Variants in MAGI2 observed in about 807,000 individuals in gnomAD.
MAGI2 encodes the protein membrane-associated guanylate kinase, WW and PDZ domain-containing protein 2.
In MAGI2, 35 loss-of-function variants were observed where a neutral mutation model predicts 133.3. The observed-to-expected ratio is 0.26, with a 90% CI of 0.20 to 0.35. The LOEUF (loss-of-function observed/expected upper bound fraction) is 0.35. MAGI2 is among the 10% of genes least tolerant of loss of function. The pLI is 1.00. For missense variants in MAGI2, 1,636 were observed against 1,863.4 expected (o/e 0.88, Z 2.25); for synonymous variants, 729 against 710.6 (o/e 1.03, Z -0.41).
intron 2 of MAGI2, among the ~76,000 whole-genome samples, chr7:78,878,372 C>T (rs1362593903): frequency 1.3e-5 from 2 of 152,112 alleles, no homozygotes; most frequent in Admixed American, 1.3e-4. Flanking sequence ...CTGGGTCCAC[C>T]CAACTAAATT....
At chr7:78,354,489 A>G (rs1200560069) in intron 7 of MAGI2, among the ~76,000 whole-genome samples, 2 of 152,172 alleles carry the variant, frequency 1.3e-5, no homozygotes, top group Non-Finnish European at 2.9e-5. Flanking sequence ...GGAAGGAGGG[A>G]ATCAGGAGAA....
intron 1 of MAGI2, among the ~76,000 whole-genome samples, chr7:79,175,780 TAA>T (rs1826038901): frequency 6.6e-6 from 1 of 152,012 alleles, no homozygotes; most frequent in South Asian, 2.1e-4. Flanking sequence ...CGAATATATC[TAA>T]ACATAGAAAA....
chr7:79,005,004 C>T (rs1023430817), intron 2 of MAGI2, among the ~76,000 whole-genome samples: 3 of 151,672 alleles, frequency 2.0e-5, no homozygotes, highest in Admixed American at 2.0e-4. Flanking sequence ...ATTGCTTGAA[C>T]CTGGGAGGCA....
intron 6 of MAGI2, among the ~76,000 whole-genome samples, chr7:78,473,908 C>T (rs966742777): frequency 8.6e-5 from 13 of 152,012 alleles, no homozygotes; most frequent in Admixed American, 6.6e-5. Context: ...TAAACGACTT[C>T]TCTGGTCAGA....
chr7:79,016,011 TG>T lies in MAGI2; in HGVS notation c.302-8806del, dbSNP rs370577234. On this transcript the variant is annotated intron_variant, in intron 1 of 21. Transcript: ENST00000354212. ...CTCCTGGAGAAGCGGGGGGGGGGGG[TG>T]GGGGTTGAGCAGGCAAGGAGCAACA... Among the ~76,000 whole-genome samples the T allele has an allele frequency of 4.7e-4, 26 of 55,800 alleles. 1 individual carries two copies. The highest frequency in any genetic ancestry group is 1.5e-3 in the African/African-American group (24 of 15,956). The allele number at this position is 55,800 out of a possible 152,430, so 36.6% of individuals were successfully genotyped here.
intron 6 of MAGI2, among the ~76,000 whole-genome samples, chr7:78,453,012 TG>T (rs1322771798): frequency 2.0e-5 from 3 of 152,156 alleles, no homozygotes; most frequent in African/African-American, 7.2e-5. Flanking sequence ...TTACTTGTAA[TG>T]TATATATCAT....
Position 78,168,257 on chromosome 7 carries a change from G to T in MAGI2, c.2404-149C>A, listed in dbSNP as rs868073283. 2.7e-4 allele frequency: 169 copies of T among 633,778 alleles called. 1 individual carries two copies. Among genetic ancestry groups the T allele is most frequent in the Middle Eastern group, 1.3e-3 (3 of 2,320 alleles). The allele number at this position is 633,778 out of a possible 1,614,324, so 39.3% of individuals were successfully genotyped here. On this transcript the variant is annotated intron_variant, in intron 14 of 21. Coordinates refer to ENST00000354212, the MANE Select transcript of MAGI2 (RefSeq NM_012301.4). ...TGCAAGCTCTGCCTCCCAGGTTCAC[G>T]CCATCTTTTTCCTTTTTATATACAG...
chr7:78,915,944 G>T (rs1056364422), intron 2 of MAGI2, among the ~76,000 whole-genome samples: 1 of 151,888 alleles, frequency 6.6e-6, no homozygotes, highest in Non-Finnish European at 1.5e-5. Flanking sequence ...GGATATCTGG[G>T]GAAGGAGCCT....
At chr7:78,394,906 C>T (rs1796207591) in intron 6 of MAGI2, among the ~76,000 whole-genome samples, 1 of 152,164 alleles carries the variant, frequency 6.6e-6, no homozygotes, top group Non-Finnish European at 1.5e-5. Context: ...CGCACTTTAG[C>T]TAATTTTATT....
At chr7:78,303,039 A>C (rs1797965503) in intron 9 of MAGI2, among the ~76,000 whole-genome samples, 1 of 152,158 alleles carries the variant, frequency 6.6e-6, no homozygotes, top group Non-Finnish European at 1.5e-5. Flanking sequence ...CAGAAGTGAT[A>C]TTTGAACTGA....
chr7:78,875,316 G>C (rs1795334609), intron 2 of MAGI2, among the ~76,000 whole-genome samples: 1 of 152,148 alleles, frequency 6.6e-6, no homozygotes. Context: ...GTCTTACAAG[G>C]AGGACAAAGC....
chr7:78,756,985 C>G lies in MAGI2; in HGVS notation c.419-129746G>C, dbSNP rs111494933. On this transcript the variant is annotated intron_variant, in intron 2 of 21. Transcript: ENST00000354212. ...CCTGCCAATTATTCTGTAGACCACTCCCTTTCCCACTTTCCTAGACTTGAG... is the reference window on the plus strand; with the variant it reads ...CCTGCCAATTATTCTGTAGACCACTGCCTTTCCCACTTTCCTAGACTTGAG... 1.5e-3 allele frequency among the ~76,000 whole-genome samples: 228 copies of G among 152,260 alleles called. 1 individual carries two copies. The highest frequency in any genetic ancestry group is 4.6e-3 in the African/African-American group (192 of 41,550).
intron 1 of MAGI2, among the ~76,000 whole-genome samples, chr7:79,344,604 C>G (rs1841169110): frequency 1.3e-5 from 2 of 152,072 alleles, no homozygotes; most frequent in African/African-American, 4.8e-5. Flanking sequence ...CTGGTGTGTT[C>G]AGAAGACAGT....
chr7:79,008,318 G>T (rs977801141), intron 1 of MAGI2, among the ~76,000 whole-genome samples: 4 of 152,120 alleles, frequency 2.6e-5, no homozygotes, highest in Admixed American at 1.3e-4. Context: ...GCATTATGTA[G>T]GTGTGCACAG....
intron 1 of MAGI2, among the ~76,000 whole-genome samples, chr7:79,093,540 T>G (rs1817250580): frequency 6.6e-6 from 1 of 152,150 alleles, no homozygotes; most frequent in Admixed American, 6.5e-5. Flanking sequence ...AGAAATACTT[T>G]ATTGCTAAAA....
intron 10 of MAGI2, among the ~76,000 whole-genome samples, chr7:78,239,134 T>G (rs878896629): frequency 2.6e-5 from 4 of 152,132 alleles, no homozygotes; most frequent in Admixed American, 1.3e-4. Context: ...GAGAACTGTC[T>G]GACAAAGTTT....
At chr7:78,675,257 T>C (rs1814885102) in intron 2 of MAGI2, among the ~76,000 whole-genome samples, 1 of 151,508 alleles carries the variant, frequency 6.6e-6, no homozygotes, top group South Asian at 2.1e-4. Flanking sequence ...GCTGTTGTTG[T>C]TGTTGTTGTT....
chr7:79,187,169 A>G (rs1334815767), intron 1 of MAGI2, among the ~76,000 whole-genome samples: 1 of 151,712 alleles, frequency 6.6e-6, no homozygotes, highest in Non-Finnish European at 1.5e-5. Context: ...CAATATAATG[A>G]ATAAAACATT....
At chr7:78,876,611 T>G (rs536161884) in intron 2 of MAGI2, among the ~76,000 whole-genome samples, 1 of 152,056 alleles carries the variant, frequency 6.6e-6, no homozygotes, top group Non-Finnish European at 1.5e-5. Flanking sequence ...GGGATATGAA[T>G]GTTGAAAACA....
Sources: gnomAD v4.1 joint callset for allele counts (sites outside exome capture counted in the v4.1 genomes callset) on GRCh38, gnomAD v4.1.1 for gene constraint, MANE v1.5 for transcripts, NCBI Gene and HGNC (gene_info 2026-07-23, HGNC 2026-07-21) for gene names.